Variants in FAM178B observed in about 807,000 individuals in gnomAD.
FAM178B encodes family with sequence similarity 178 member B.
A neutral mutation model predicts 91.7 loss-of-function variants in FAM178B; 82 were observed. That is an observed-to-expected ratio of 0.89 (90% CI 0.75 to 1.07). FAM178B has a LOEUF of 1.07. Ranked by LOEUF, FAM178B falls within the 50% of genes least tolerant of loss-of-function variation. The pLI is 0.00. For missense variants in FAM178B, 769 were observed against 846.7 expected, an observed-to-expected ratio of 0.91 and a Z score of 1.14; for synonymous variants, 368 against 359.4, an observed-to-expected ratio of 1.02 and a Z score of -0.27.
At chr2:96,956,234 A>G (rs1032461273) in intron 6 of FAM178B, among the ~76,000 whole-genome samples, 5 of 152,236 alleles carry the variant, frequency 3.3e-5, no homozygotes, top group Admixed American at 3.3e-4. Context: ...GGGTGGAGGA[A>G]AAAAGTTCAG....
intron 1 of FAM178B, among the ~76,000 whole-genome samples, chr2:96,980,583 G>A (rs1045932201): frequency 4.0e-5 from 6 of 151,312 alleles, no homozygotes; most frequent in African/African-American, 1.5e-4. Context: ...TTTATTTTTT[G>A]TAGAGGTGGA....
At chr2:96,985,107 G>A (rs1161605384) in intron 1 of FAM178B, among the ~76,000 whole-genome samples, 2 of 152,226 alleles carry the variant, frequency 1.3e-5, no homozygotes, top group Non-Finnish European at 2.9e-5. Context: ...TCTAGTTGGT[G>A]TGACCTGCTC....
At chr2:96,936,203 A>ATTAT (rs931878966) in intron 8 of FAM178B, among the ~76,000 whole-genome samples, 1 of 151,666 alleles carries the variant, frequency 6.6e-6, no homozygotes, top group Non-Finnish European at 1.5e-5. Flanking sequence ...TTATTTATTT[A>ATTAT]TTATTTATTT....
At chr2:96,973,483 C>T (rs1396118531) in intron 1 of FAM178B, among the ~76,000 whole-genome samples, 1 of 152,288 alleles carries the variant, frequency 6.6e-6, no homozygotes, top group South Asian at 2.1e-4. Context: ...GAGGAACTGC[C>T]TGTCTCCAGT....
chr2:96,876,269 T>C lies in FAM178B; in HGVS notation c.*7A>G. On this transcript the variant is annotated 3_prime_UTR_variant, in exon 17 of 17. Coordinates refer to ENST00000490605, the MANE Select transcript of FAM178B (RefSeq NM_001122646.3). ...CAGGAGCCCTGGGCTGCCCTGACCC[T>C]GTCCCTTTAGATGTCTTTCCAGGGG... 1 of 1,608,436 alleles carries C rather than the reference T, an allele frequency of 6.2e-7. No homozygotes were observed. Among genetic ancestry groups the C allele is most frequent in the East Asian group, 2.2e-5 (1 of 44,728 alleles).
intron 8 of FAM178B, among the ~76,000 whole-genome samples, chr2:96,931,856 GTT>G (rs75999007): frequency 2.1e-5 from 3 of 141,810 alleles, no homozygotes; most frequent in African/African-American, 2.6e-5. Context: ...TTGTTTGTTT[GTT>G]TTTTTTTTTT....
intron 12 of FAM178B, among the ~76,000 whole-genome samples, chr2:96,918,805 G>A (rs909060760): frequency 2.2e-4 from 33 of 152,134 alleles, no homozygotes; most frequent in African/African-American, 7.0e-4. Context: ...TCCAGGCCTG[G>A]TAGTTACAGA....
intron 8 of FAM178B, among the ~76,000 whole-genome samples, chr2:96,937,813 C>G (rs2081658247): frequency 6.6e-6 from 1 of 152,132 alleles, no homozygotes; most frequent in South Asian, 2.1e-4. Flanking sequence ...ATCGCTTGAG[C>G]CCAGGTGTTC....
intron 1 of FAM178B, among the ~76,000 whole-genome samples, chr2:96,973,401 T>G (rs888299950): frequency 4.6e-5 from 7 of 152,076 alleles, no homozygotes; most frequent in Admixed American, 1.3e-4. Context: ...CAGTAGGTAT[T>G]TGTGCATTTT....
intron 13 of FAM178B, among the ~76,000 whole-genome samples, chr2:96,895,778 C>A (rs569588622): frequency 2.6e-5 from 4 of 152,246 alleles, no homozygotes; most frequent in Admixed American, 1.3e-4. Context: ...GCCCAGCCCC[C>A]CTCTTGAGCT....
chr2:96,925,817 A>G (rs1228586684), intron 9 of FAM178B, among the ~76,000 whole-genome samples: 1 of 152,200 alleles, frequency 6.6e-6, no homozygotes, highest in Non-Finnish European at 1.5e-5. Context: ...AAAAAATAAT[A>G]AAGTTACCAT....
intron 8 of FAM178B, among the ~76,000 whole-genome samples, chr2:96,930,210 CAAAAAAAAAAAAAA>C (rs60102987): frequency 2.3e-4 from 9 of 39,488 alleles, no homozygotes; most frequent in South Asian, 1.7e-3. Flanking sequence ...TCCGTCTCTC[CAAAAAAAAAAAAAA>C]AAAAAAAAAA....
chr2:96,950,209 T>G (rs2081901715), intron 7 of FAM178B: 1 of 978,600 alleles, frequency 1.0e-6, no homozygotes, highest in Non-Finnish European at 1.2e-6. Flanking sequence ...CTCCCAATGC[T>G]CGATTGTGTG....
intron 8 of FAM178B, among the ~76,000 whole-genome samples, chr2:96,939,860 C>G (rs7580504): frequency 0.11 from 17,131 of 152,168 alleles, 1,168 homozygotes; most frequent in Middle Eastern, 0.18. Flanking sequence ...GGCTTGGTGC[C>G]TAGCACAAAT....
chr2:96,893,866 CCTG>C, intron 14 of FAM178B, 57 bp downstream of exon 14: 1 of 1,568,356 alleles, frequency 6.4e-7, no homozygotes, highest in Non-Finnish European at 8.6e-7. Flanking sequence ...CCTGCCTTTC[CCTG>C]CTACCTGTGG....
chr2:96,913,702 A>G (rs1326652386), intron 12 of FAM178B, among the ~76,000 whole-genome samples: 1 of 152,198 alleles, frequency 6.6e-6, no homozygotes, highest in South Asian at 2.1e-4. Context: ...TGCTCCAGAC[A>G]TAAGAACACT....
chr2:96,923,027 G>C (rs1011967034), intron 10 of FAM178B, among the ~76,000 whole-genome samples: 12 of 152,064 alleles, frequency 7.9e-5, no homozygotes, highest in African/African-American at 2.7e-4. Flanking sequence ...GGAGTGCAGT[G>C]GTGCCATCTC....
chr2:96,901,634 A>C (rs2080934630), intron 13 of FAM178B, among the ~76,000 whole-genome samples: 1 of 152,174 alleles, frequency 6.6e-6, no homozygotes. Context: ...ACAACAACAA[A>C]AAAATGGGCT....
At chr2:96,950,000 C>T (rs1471142639) in intron 7 of FAM178B, 1 of 985,748 alleles carries the variant, frequency 1.0e-6, no homozygotes, top group Non-Finnish European at 1.2e-6. Context: ...GGGCTGGGTC[C>T]TGCACTCCTC....
Sources: gnomAD v4.1 joint callset for allele counts (sites outside exome capture counted in the v4.1 genomes callset) on GRCh38, gnomAD v4.1.1 for gene constraint, MANE v1.5 for transcripts, NCBI Gene and HGNC (gene_info 2026-07-23, HGNC 2026-07-21) for gene names.